The following FERMT2 variants were observed in gnomAD, a reference collection of about 807,000 sequenced individuals.
The protein encoded by FERMT2 is FERM domain containing kindlin 2.
Under a neutral mutation model 82.7 loss-of-function variants are expected in FERMT2, and 15 were observed. The ratio of observed to expected loss-of-function variants is 0.18; its 90% CI spans 0.12 to 0.28. The LOEUF (loss-of-function observed/expected upper bound fraction) is 0.28. FERMT2 is among the 10% of genes least tolerant of loss of function. The pLI, the probability that FERMT2 is intolerant of heterozygous loss-of-function variation, is 1.00. For synonymous variants in FERMT2, 274 were observed against 271.5 expected (o/e 1.01, Z -0.09); for missense variants, 645 against 809.4 (o/e 0.80, Z 2.46).
At chr14:52,950,755 C>T (rs1377870572) in intron 1 of FERMT2, 166 bp downstream of exon 1, 4 of 555,962 alleles carry the variant, frequency 7.2e-6, no homozygotes, top group South Asian at 2.3e-5. Flanking sequence ...CCCCGCTCGC[C>T]CCGCAGCGTT....
chr14:52,879,389 T>C (rs1013270276), intron 6 of FERMT2, among the ~76,000 whole-genome samples: 1 of 152,208 alleles, frequency 6.6e-6, no homozygotes, highest in South Asian at 2.1e-4. Flanking sequence ...TATTCCATTA[T>C]ACCAGTTGAG....
In FERMT2 at chr14:52,948,008, G is replaced by GT. The variant is rs967297205; in HGVS notation, c.157+2403dup. Among the ~76,000 whole-genome samples the GT allele has an allele frequency of 3.0e-4, 45 of 152,348 alleles. 2 individuals are homozygous for GT. Among genetic ancestry groups the GT allele is most frequent in the Non-Finnish European group, 7.3e-5 (5 of 68,038 alleles). On this transcript the variant is annotated intron_variant, in intron 2 of 14. Transcript: ENST00000341590. ...ATCAGACAGTCTGGAGTTTGAAAAT[G>GT]TAAGTGAATGCTCTGGTGTCTTCTG...
chr14:52,881,003 G>T, intron 6 of FERMT2, 33 bp downstream of exon 6: 1 of 1,215,366 alleles, frequency 8.2e-7, no homozygotes, highest in Non-Finnish European at 1.1e-6. Context: ...AATTAATGGG[G>T]AAAAAAAAAA....
At chr14:52,893,557 G>A (rs1005374293) in intron 3 of FERMT2, 130 bp from the exon 4 acceptor site, 26 of 664,006 alleles carry the variant, frequency 3.9e-5, no homozygotes, top group Non-Finnish European at 5.2e-5. Context: ...AGACATTGAT[G>A]TCATGCAAAA....
In FERMT2 at chr14:52,864,732, A is replaced by G. The variant is rs756666589; in HGVS notation, c.1380+15T>C. ...TTTAAGAAAATTGAAGTGTATTTTT[A>G]ACTGGAAAACTTACATTGTCACAAC... On this transcript the variant is annotated intron_variant, in intron 11 of 14. Coordinates refer to ENST00000341590, the MANE Select transcript of FERMT2 (RefSeq NM_006832.3). 1 of 1,597,728 alleles carries G rather than the reference A, an allele frequency of 6.3e-7. No individual in the cohort carries two copies. The highest frequency in any genetic ancestry group is 1.1e-5 in the South Asian group (1 of 90,284).
chr14:52,919,426 A>C, intron 2 of FERMT2, 70 bp from the exon 3 acceptor site: 1 of 1,111,576 alleles, frequency 9.0e-7, no homozygotes, highest in Non-Finnish European at 1.3e-6. Flanking sequence ...TAAAAGCAGA[A>C]AACTAGATAA....
Position 52,922,232 on chromosome 14 carries a change from G to GT in FERMT2, c.158-2877dup, listed in dbSNP as rs890440505. 9.9e-5 allele frequency among the ~76,000 whole-genome samples: 15 copies of GT among 152,164 alleles called. 1 individual carries two copies. The highest frequency in any genetic ancestry group is 9.8e-4 in the Admixed American group (15 of 15,276). On this transcript the variant is annotated intron_variant, in intron 2 of 14. Coordinates refer to ENST00000341590, the MANE Select transcript of FERMT2 (RefSeq NM_006832.3). Reference sequence around the variant, plus strand: ...CTCTCCCACAGAGGAGAAAGATGAGGTATCTCTCCACTTCCTTGTTAAGGG... The same window carrying GT: ...CTCTCCCACAGAGGAGAAAGATGAGGTTATCTCTCCACTTCCTTGTTAAGGG...
At chr14:52,867,021 C>A (rs1885324251) in intron 10 of FERMT2, among the ~76,000 whole-genome samples, 1 of 152,072 alleles carries the variant, frequency 6.6e-6, no homozygotes, top group Non-Finnish European at 1.5e-5. Flanking sequence ...CATCTTACAC[C>A]ACAACCTACC....
At chr14:52,923,050 G>A (rs1889051256) in intron 2 of FERMT2, among the ~76,000 whole-genome samples, 1 of 152,120 alleles carries the variant, frequency 6.6e-6, no homozygotes, top group Admixed American at 6.6e-5. Context: ...GTAGGCAACT[G>A]CAACACAGTG....
intron 4 of FERMT2, 98 bp downstream of exon 4, chr14:52,893,195 C>G: frequency 8.6e-7 from 1 of 1,169,384 alleles, no homozygotes; most frequent in Non-Finnish European, 1.2e-6. Context: ...CTTGACCACT[C>G]TTCCTGACCT....
chr14:52,877,574 C>CTTGTTTTTTTTTT (rs1886040294), intron 7 of FERMT2, among the ~76,000 whole-genome samples: 1 of 67,062 alleles, frequency 1.5e-5, no homozygotes, highest in Non-Finnish European at 2.5e-5. Context: ...GCTGTTCTTG[C>CTTGTTTTTTTTTT]TTTTTTTTTT....
intron 2 of FERMT2, among the ~76,000 whole-genome samples, chr14:52,934,492 G>C (rs1470024684): frequency 6.6e-6 from 1 of 152,136 alleles, no homozygotes; most frequent in Non-Finnish European, 1.5e-5. Flanking sequence ...CCTAAGTCTG[G>C]ATCAACTTAA....
intron 4 of FERMT2, among the ~76,000 whole-genome samples, chr14:52,892,707 T>C (rs1887017726): frequency 6.6e-6 from 1 of 152,116 alleles, no homozygotes; most frequent in South Asian, 2.1e-4. Flanking sequence ...CCACCTGCCT[T>C]GGCTTCCCAA....
At chr14:52,940,774 T>C (rs1323569198) in intron 2 of FERMT2, among the ~76,000 whole-genome samples, 1 of 152,112 alleles carries the variant, frequency 6.6e-6, no homozygotes, top group Admixed American at 6.5e-5. Context: ...CACAATGAGA[T>C]AGTACTACTT....
intron 3 of FERMT2, among the ~76,000 whole-genome samples, chr14:52,900,250 T>C (rs968780705): frequency 6.6e-6 from 1 of 151,616 alleles, no homozygotes; most frequent in African/African-American, 2.4e-5. Flanking sequence ...ATACTGGGAA[T>C]GCAGCAGGCC....
At chr14:52,862,883 G>C (rs997369376) in intron 12 of FERMT2, 1 of 152,178 alleles carries the variant, frequency 6.6e-6, no homozygotes, top group Non-Finnish European at 1.5e-5. Context: ...AAAGGCTTCT[G>C]AGAAAACAAA....
At chr14:52,918,693 T>C (rs1005680674) in intron 3 of FERMT2, among the ~76,000 whole-genome samples, 1 of 152,146 alleles carries the variant, frequency 6.6e-6, no homozygotes, top group African/African-American at 2.4e-5. Flanking sequence ...ATGTTCAAAT[T>C]GTAGACTGGT....
intron 2 of FERMT2, among the ~76,000 whole-genome samples, chr14:52,919,585 T>C (rs1888828925): frequency 6.6e-6 from 1 of 152,186 alleles, no homozygotes; most frequent in Non-Finnish European, 1.5e-5. Context: ...CTAAGAATGT[T>C]TGAGTCAACT....
intron 3 of FERMT2, among the ~76,000 whole-genome samples, chr14:52,897,695 G>A (rs561987187): frequency 3.3e-5 from 5 of 152,142 alleles, no homozygotes; most frequent in African/African-American, 1.2e-4. Flanking sequence ...AGAAACACTC[G>A]GCCAGGCACG....
Sources: allele counts gnomAD v4.1 joint callset (sites outside exome capture counted in the v4.1 genomes callset), GRCh38; gene constraint gnomAD v4.1.1; transcripts MANE v1.5; gene names NCBI Gene and HGNC (gene_info 2026-07-23, HGNC 2026-07-21).